The following TSEN34 variants were observed in gnomAD, a reference collection of about 807,000 sequenced individuals.
TSEN34 encodes the protein tRNA-splicing endonuclease subunit Sen34.
Under a neutral mutation model 30.2 loss-of-function variants are expected in TSEN34, and 25 were observed. The ratio of observed to expected loss-of-function variants is 0.83; its 90% CI spans 0.60 to 1.16. The LOEUF (loss-of-function observed/expected upper bound fraction) is 1.16, where lower values mean the gene tolerates loss of function less well. Among genes scored for constraint, TSEN34 ranks in the 50% most tolerant of loss-of-function variants. The pLI is 0.00. For missense variants in TSEN34, 475 were observed against 411.9 expected, an observed-to-expected ratio of 1.15 and a Z score of -1.33; for synonymous variants, 209 against 177.4, an observed-to-expected ratio of 1.18 and a Z score of -1.41.
upstream of TSEN34, chr19:54,191,085 C>G: frequency 7.6e-7 from 1 of 1,307,238 alleles, no homozygotes; most frequent in Non-Finnish European, 9.7e-7. Flanking sequence ...CGCAGGGTCA[C>G]AAGGGTAGAG....
Position 54,191,963 on chromosome 19 carries a change from T to A in TSEN34, c.486T>A (p.Ala162=), listed in dbSNP as rs2076724095. The A allele has an allele frequency of 6.2e-7, 1 of 1,613,916 alleles. No homozygotes were observed. Among genetic ancestry groups the A allele is most frequent in the Admixed American group, 1.7e-5 (1 of 59,982 alleles). Residue 162 remains alanine (A), a splice_region_variant and synonymous_variant, in exon 2 of 4, where the codon GCT becomes GCA. Coordinates refer to ENST00000396388, the MANE Select transcript of TSEN34 (RefSeq NM_001077446.4). The part of the protein sequence containing the change: ...DGQASGEQEE[A]GPSSSQAGPS... ...AGGCTTCGGGAGAGCAGGAGGAAGC[T>A]GGTGAGCATGGGAGGTGGAGTCCAG...
At position 54,193,753 on chromosome 19, in the gene TSEN34, A is replaced by G. The variant is rs2076795626; in HGVS notation, c.*391A>G. 75 of 707,340 alleles carry G rather than the reference A, an allele frequency of 1.1e-4. 1 individual carries two copies. The South Asian group carries it at 1.1e-3, about 10-fold the overall frequency. The allele number at this position is 707,340 out of a possible 1,614,324, so 43.8% of individuals were successfully genotyped here. A position where few individuals can be genotyped will look rare whatever the true frequency, so the allele number is the denominator to read the frequency against. Reference sequence around the variant, plus strand: ...TGAGAAAAAGGCCTGGAGGAGGGGGACTGACTTGCCCAAAGTCACACACTT... The same window carrying G: ...TGAGAAAAAGGCCTGGAGGAGGGGGGCTGACTTGCCCAAAGTCACACACTT... On this transcript the variant is annotated 3_prime_UTR_variant, in exon 4 of 4. Coordinates refer to ENST00000396388, the MANE Select transcript of TSEN34 (RefSeq NM_001077446.4).
rs746901300 is a variant in TSEN34, at chr19:54,191,521, A to C, written c.157A>C (p.Met53Leu). 1.0e-5 allele frequency: 16 copies of C among 1,596,600 alleles called. No homozygotes were observed. In the African/African-American group the frequency reaches 1.6e-4, roughly 16 times the overall value. ...NSRLGLPLLL[M>L]PEEARLLAEI... ...GCGCCTGGGCCTCCCGCTGCTGCTG[A>C]TGCCCGAAGAGGCGCGGCTCTTGGC... is the stretch of plus-strand genomic sequence containing the variant. The change falls in exon 1 of 4, where the codon ATG (methionine) becomes CTG (leucine). Residue 53 changes from methionine (M) to leucine (L), a missense_variant. By Grantham distance (15) the Met-to-Leu change is conservative. Transcript: ENST00000396388.
Position 54,192,235 on chromosome 19 carries a change from C to T in TSEN34, c.607C>T (p.Arg203Cys). 3 of 1,614,012 alleles carry T rather than the reference C, an allele frequency of 1.9e-6. No homozygotes were observed. The highest frequency in any genetic ancestry group is 2.5e-6 in the Non-Finnish European group (3 of 1,179,928). The stretch of plus-strand genomic sequence containing the variant: ...GGTCAAGGCCAGGCCCCTGGACTGG[C>T]GTGTCCAGTCTAAAGACTGGCCCCA... Reference protein sequence around the residue: ...RPVKARPLDWRVQSKDWPHAG... With the variant: ...RPVKARPLDWCVQSKDWPHAG... Residue 203 changes from arginine (R) to cysteine (C), a missense_variant, in exon 3 of 4, where the codon CGT becomes TGT. Arg to Cys is a radical substitution (Grantham distance 180). Transcript: ENST00000396388.
At position 54,191,975 on chromosome 19, in the gene TSEN34, G is replaced by T. The variant is rs767719199; in HGVS notation, c.487+11G>T. On this transcript the variant is annotated intron_variant, in intron 2 of 3. Coordinates refer to ENST00000396388, the MANE Select transcript of TSEN34 (RefSeq NM_001077446.4). The stretch of plus-strand genomic sequence containing the variant: ...AGCAGGAGGAAGCTGGTGAGCATGG[G>T]AGGTGGAGTCCAGGGACCACGGGAA... 6 of 1,614,184 alleles carry T rather than the reference G, an allele frequency of 3.7e-6. No individual in the cohort carries two copies. In the Admixed American group the frequency reaches 1.0e-4, roughly 27 times the overall value.
upstream of TSEN34, chr19:54,190,621 C>A: frequency 8.1e-7 from 1 of 1,236,980 alleles, no homozygotes; most frequent in Non-Finnish European, 1.0e-6. Context: ...GAACGCCGAA[C>A]CTATTGCGTC....
chr19:54,192,497 C>A, intron 3 of TSEN34, 124 bp downstream of exon 3: 2 of 1,320,904 alleles, frequency 1.5e-6, no homozygotes, highest in Non-Finnish European at 2.1e-6. Context: ...TAGGCTGGTC[C>A]CTATTCCTGG....
At chr19:54,191,137 T>C (rs1409965079), upstream of TSEN34, 6 of 1,352,880 alleles carry the variant, frequency 4.4e-6, no homozygotes, top group East Asian at 9.1e-5. Context: ...GTCGGGGGCT[T>C]GTCTCCGGCG....
chr19:54,190,101 G>A (rs373472898), upstream of TSEN34: 1 of 541,878 alleles, frequency 1.8e-6, no homozygotes, highest in East Asian at 3.4e-5. Flanking sequence ...TGCGCCTACG[G>A]GACCGGGCCA....
At chr19:54,191,115 C>T (rs1483637598), upstream of TSEN34, 10 of 1,324,126 alleles carry the variant, frequency 7.6e-6, no homozygotes, top group Middle Eastern at 2.9e-4. Flanking sequence ...GGGGGCTTGG[C>T]GAGGGGAGAG....
At chr19:54,192,724 G>C (rs1195065392) in intron 3 of TSEN34, among the ~76,000 whole-genome samples, 2 of 152,162 alleles carry the variant, frequency 1.3e-5, no homozygotes, top group African/African-American at 4.8e-5. Context: ...TAGACATCAG[G>C]CTGGGCGCAA....
chr19:54,191,524 C>T lies in TSEN34; in HGVS notation c.160C>T (p.Pro54Ser). ...SRLGLPLLLM[P>S]EEARLLAEIG... is the part of the protein sequence containing the mutation. The stretch of plus-strand genomic sequence containing the variant: ...CCTGGGCCTCCCGCTGCTGCTGATG[C>T]CCGAAGAGGCGCGGCTCTTGGCCGA... Residue 54 changes from proline (P) to serine (S), a missense_variant, in exon 1 of 4, where the codon CCC becomes TCC. Transcript: ENST00000396388. The T allele has an allele frequency of 1.3e-6, 2 of 1,597,008 alleles. No individual in the cohort carries two copies. Among genetic ancestry groups the T allele is most frequent in the Non-Finnish European group, 1.7e-6 (2 of 1,176,862 alleles).
chr19:54,191,261 G>C (rs982603594), upstream of TSEN34: 21 of 1,510,612 alleles, frequency 1.4e-5, no homozygotes, highest in African/African-American at 2.2e-4. Context: ...CTGAGGCCTA[G>C]GGGCGGGGCT....
rs998341506 is a variant in TSEN34, at chr19:54,191,789, C to T, written c.312C>T (p.Ala104=). Residue 104 remains alanine (A), a synonymous_variant, in exon 2 of 4, where the codon GCC becomes GCT. Transcript: ENST00000396388. Reference sequence around the variant, plus strand: ...AGCAGAGCGCCTTGGCAGCTGAGGCCCGGGAGACCCGTCGTCAGGAGCTCC... The same window carrying T: ...AGCAGAGCGCCTTGGCAGCTGAGGCTCGGGAGACCCGTCGTCAGGAGCTCC... ...FQEQSALAAE[A]RETRRQELLE... is the part of the protein sequence containing the mutation. 6.2e-7 allele frequency: 1 copy of T among 1,614,160 alleles called. No homozygotes were observed. Among genetic ancestry groups the T allele is most frequent in the Admixed American group, 1.7e-5 (1 of 60,018 alleles).
Position 54,193,810 on chromosome 19 carries a change from G to T in TSEN34, c.*448G>T, listed in dbSNP as rs2076797174. On this transcript the variant is annotated 3_prime_UTR_variant, in exon 4 of 4. Transcript: ENST00000396388. The stretch of plus-strand genomic sequence containing the variant: ...TAGCAGGCCTGGCCTTTCAAAATTG[G>T]TTTTTCTGACTCCTAAATCTGCACT... The T allele has an allele frequency of 3.2e-6, 2 of 631,186 alleles. No homozygotes were observed. The highest frequency in any genetic ancestry group is 3.7e-5 in the African/African-American group (2 of 54,452). The allele number at this position is 631,186 out of a possible 1,614,324, so 39.1% of individuals were successfully genotyped here.
rs752822471 is a variant in TSEN34 at position 54,193,356 on chromosome 19, G to T, written c.927G>T (p.Leu309=). ...VVYTSLQWAS[L]Q is the part of the protein sequence containing the mutation. ...ACACCTCCCTGCAATGGGCCAGCCTGCAGTGAACTCCAGAGACCTAGGGGA... is the reference window on the plus strand; with the variant it reads ...ACACCTCCCTGCAATGGGCCAGCCTTCAGTGAACTCCAGAGACCTAGGGGA... The change falls in exon 4 of 4, where the codon CTG becomes CTT. Residue 309 remains leucine (L), a synonymous_variant. Coordinates refer to ENST00000396388, the MANE Select transcript of TSEN34 (RefSeq NM_001077446.4). 64 of 1,614,080 alleles carry T rather than the reference G, an allele frequency of 4.0e-5. No homozygotes were observed. In the Middle Eastern group the frequency reaches 4.9e-4, roughly 12 times the overall value.
chr19:54,192,491 C>A, intron 3 of TSEN34, 118 bp downstream of exon 3: 1 of 1,383,678 alleles, frequency 7.2e-7, no homozygotes, highest in Non-Finnish European at 1.0e-6. Context: ...GTTGCTTAGG[C>A]TGGTCCCTAT....
At chr19:54,189,780 C>T (rs1312525362), upstream of TSEN34, 2 of 154,868 alleles carry the variant, frequency 1.3e-5, no homozygotes, top group Non-Finnish European at 2.9e-5. Flanking sequence ...GAAGCGGGGC[C>T]ACAAACTTCG....
rs532938622 is a variant in TSEN34, at chr19:54,193,394, G to T, written c.*32G>T. 6.2e-7 allele frequency: 1 copy of T among 1,613,210 alleles called. No homozygotes were observed. The highest frequency in any genetic ancestry group is 1.3e-5 in the African/African-American group (1 of 74,866). ...GAGACCTAGGGGATGTGGCTGTGTCGGCAGCAAGAGCCTTTCTGGATGTTC... is the reference window on the plus strand; with the variant it reads ...GAGACCTAGGGGATGTGGCTGTGTCTGCAGCAAGAGCCTTTCTGGATGTTC... On this transcript the variant is annotated 3_prime_UTR_variant, in exon 4 of 4. Transcript: ENST00000396388.
Sources: allele counts gnomAD v4.1 joint callset (sites outside exome capture counted in the v4.1 genomes callset), GRCh38; gene constraint gnomAD v4.1.1; transcripts MANE v1.5; gene names NCBI Gene and HGNC (gene_info 2026-07-23, HGNC 2026-07-21).